The following BSDC1 variants were observed in gnomAD, a reference collection of about 807,000 sequenced individuals.
BSDC1 encodes BSD domain containing 1, also known as BSD domain-containing protein 1.
Under a neutral mutation model 56.0 loss-of-function variants are expected in BSDC1, and 29 were observed. The observed-to-expected ratio is 0.52, with a 90% CI of 0.39 to 0.71. The LOEUF (loss-of-function observed/expected upper bound fraction) is 0.71. Ranked by LOEUF, BSDC1 falls within the 30% of genes least tolerant of loss-of-function variation. The probability of loss-of-function intolerance (pLI) is 0.00; values close to 1 mark genes in which losing one functional copy is unlikely to be tolerated. For synonymous variants in BSDC1, 210 were observed against 215.3 expected (o/e 0.98, Z 0.21); for missense variants, 477 against 548.5 (o/e 0.87, Z 1.30).
chr1:32,380,453 C>A (rs1463958345), intron 5 of BSDC1, among the ~76,000 whole-genome samples: 3 of 152,122 alleles, frequency 2.0e-5, no homozygotes, highest in African/African-American at 7.2e-5. Context: ...TGAGACCAGC[C>A]TGACCAACAT....
chr1:32,367,608 C>T (rs1641899128), intron 10 of BSDC1: 1 of 985,356 alleles, frequency 1.0e-6, no homozygotes, highest in African/African-American at 1.7e-5. Flanking sequence ...GTCTGGGTTG[C>T]AGCCTCAGTC....
At chr1:32,367,757 G>A (rs1261787238) in intron 10 of BSDC1, 1 of 932,368 alleles carries the variant, frequency 1.1e-6, no homozygotes, top group Non-Finnish European at 1.3e-6. Flanking sequence ...GTTTTGTGGG[G>A]TTTATCACTA....
rs779835045 is a variant in BSDC1, at chr1:32,378,039, G to A, written c.607C>T (p.Arg203Trp). Residue 203 changes from arginine to tryptophan, a missense_variant, in exon 8 of 11, where the codon CGG becomes TGG. Transcript: ENST00000455895. The surrounding 1 kb of genome is among the most constrained non-coding windows in gnomAD (Gnocchi z 5.2). ...KVHQLEQEQA[R>W]RDALKQRAEQ... ...GCCCGCTGCTTCAGGGCGTCCCTCC[G>A]GGCCTGCTCCTGAATGTGGGGGAGC... The A allele has an allele frequency of 9.3e-6, 15 of 1,610,804 alleles. No individual in the cohort carries two copies. In the Admixed American group the frequency reaches 1.0e-4, roughly 11 times the overall value.
intron 2 of BSDC1, among the ~76,000 whole-genome samples, chr1:32,389,855 C>T (rs924947664): frequency 1.3e-5 from 2 of 151,768 alleles, no homozygotes; most frequent in Non-Finnish European, 2.9e-5. Context: ...CGCCTATAGT[C>T]CCAGCTACCC....
chr1:32,385,142 TA>T (rs1557652711), intron 3 of BSDC1, among the ~76,000 whole-genome samples: 1 of 152,192 alleles, frequency 6.6e-6, no homozygotes, highest in Non-Finnish European at 1.5e-5. Context: ...AATTGTAATA[TA>T]AAAAACAGTA....
rs536514234 is a variant in BSDC1, at chr1:32,387,427, C to T, written c.73-532G>A. Among the ~76,000 whole-genome samples, 268 of 152,140 alleles carry T rather than the reference C, an allele frequency of 1.8e-3. 3 individuals carry two copies. The highest frequency in any genetic ancestry group is 5.7e-3 in the African/African-American group (236 of 41,504). ...CACGATCTCGGCTCACCGCAACCTC[C>T]GCCTCCCGGGTTCAAGCGATTTTCG... On this transcript the variant is annotated intron_variant, in intron 2 of 10. Transcript: ENST00000455895.
intron 9 of BSDC1, among the ~76,000 whole-genome samples, chr1:32,371,736 T>C (rs1227994676): frequency 6.6e-6 from 1 of 152,046 alleles, no homozygotes; most frequent in Non-Finnish European, 1.5e-5. Context: ...CGCTGAGACC[T>C]ACCCCTCAGC....
chr1:32,386,735 G>C (rs1194820597), intron 3 of BSDC1, 44 bp downstream of exon 3: 3 of 1,486,246 alleles, frequency 2.0e-6, no homozygotes, highest in Admixed American at 3.4e-5. Flanking sequence ...GGACAGGACA[G>C]GTTGCGAGGG....
intron 2 of BSDC1, among the ~76,000 whole-genome samples, chr1:32,387,336 T>G (rs1642707291): frequency 1.3e-5 from 2 of 151,922 alleles, no homozygotes; most frequent in Non-Finnish European, 2.9e-5. Flanking sequence ...AAAAAAGGTA[T>G]GTGATTTTTT....
intron 9 of BSDC1, among the ~76,000 whole-genome samples, chr1:32,372,031 A>C (rs1448220419): frequency 1.3e-5 from 2 of 152,366 alleles, no homozygotes; most frequent in Middle Eastern, 3.4e-3. Context: ...CATTATAAGC[A>C]GGTACCTGTG....
In BSDC1 at chr1:32,371,970, C is replaced by A. The variant is rs900224135; in HGVS notation, c.1157-3420G>T. Among the ~76,000 whole-genome samples, 8 of 152,156 alleles carry A rather than the reference C, an allele frequency of 5.3e-5. No individual in the cohort carries two copies. The East Asian group carries it at 1.2e-3, about 22-fold the overall frequency. On this transcript the variant is annotated intron_variant, in intron 9 of 10. Coordinates refer to ENST00000455895, the MANE Select transcript of BSDC1 (RefSeq NM_018045.8). ...AAATACAGACTCCTACCCTGCCCAC[C>A]CCCAGTCCCAACTAAGACTCAGCAG... is the stretch of plus-strand genomic sequence containing the variant.
intron 8 of BSDC1, among the ~76,000 whole-genome samples, chr1:32,377,270 C>T (rs1642325943): frequency 6.6e-6 from 1 of 152,222 alleles, no homozygotes; most frequent in Non-Finnish European, 1.5e-5. Flanking sequence ...TCCAGCAATG[C>T]AGTCCAAGGG....
At position 32,368,484 on chromosome 1, in the gene BSDC1, ACCT is replaced by A; in HGVS notation, c.1220_1222del (p.Glu407del). 3.1e-6 allele frequency: 5 copies of A among 1,613,846 alleles called. No individual in the cohort carries two copies. The highest frequency in any genetic ancestry group is 4.2e-6 in the Non-Finnish European group (5 of 1,179,960). Reference sequence around the variant, plus strand: ...ATCCACTTTGGAAAGTGCCATCTGCACCTCCTCTTCAGTCATGTCCAAGTCAAA... The same window carrying A: ...ATCCACTTTGGAAAGTGCCATCTGCACCTCTTCAGTCATGTCCAAGTCAAA... On this transcript the variant is annotated inframe_deletion, in exon 10 of 11. Coordinates refer to ENST00000455895, the MANE Select transcript of BSDC1 (RefSeq NM_018045.8).
intron 8 of BSDC1, 45 bp downstream of exon 8, chr1:32,377,925 C>A (rs778231390): frequency 5.1e-6 from 8 of 1,569,252 alleles, no homozygotes; most frequent in Non-Finnish European, 6.9e-6. Flanking sequence ...CCAGAGCGTC[C>A]CGCACAGATG....
At chr1:32,379,608 G>T (rs1366361811) in intron 5 of BSDC1, among the ~76,000 whole-genome samples, 2 of 152,000 alleles carry the variant, frequency 1.3e-5, no homozygotes, top group Non-Finnish European at 2.9e-5. Context: ...TTTTATTTTT[G>T]AGAGATAGAG....
chr1:32,377,831 A>G (rs983947649), intron 8 of BSDC1, 139 bp downstream of exon 8: 10 of 680,872 alleles, frequency 1.5e-5, no homozygotes, highest in Non-Finnish European at 1.9e-5. Flanking sequence ...AGCTCCGCCT[A>G]TCCTCACACA....
chr1:32,386,180 G>A (rs966900438), intron 3 of BSDC1, among the ~76,000 whole-genome samples: 5 of 152,088 alleles, frequency 3.3e-5, no homozygotes, highest in Admixed American at 3.3e-4. Flanking sequence ...CTAGCCAGGC[G>A]TGGTGGCGGG....
rs1457246716 is a variant in BSDC1 at position 32,386,653 on chromosome 1, A to C, written c.189+126T>G. On this transcript the variant is annotated intron_variant, in intron 3 of 10. Transcript: ENST00000455895. Reference sequence around the variant, plus strand: ...CCAGACACAATTCTTTCAAAATGGGAGGAAAAGTAATCCACATATTTTTCC... The same window carrying C: ...CCAGACACAATTCTTTCAAAATGGGCGGAAAAGTAATCCACATATTTTTCC... 5 of 567,204 alleles carry C rather than the reference A, an allele frequency of 8.8e-6. No homozygotes were observed. The Admixed American group carries it at 1.9e-4, about 21-fold the overall frequency. 35.1% of individuals were successfully genotyped at this position (567,204 alleles called of 1,614,324 possible). A position where few individuals can be genotyped will look rare whatever the true frequency, so the allele number is the denominator to read the frequency against.
rs1642283434 is a variant in BSDC1 at position 32,376,394 on chromosome 1, G to A, written c.1024C>T (p.His342Tyr). 2 of 1,613,720 alleles carry A rather than the reference G, an allele frequency of 1.2e-6. No individual in the cohort carries two copies. The highest frequency in any genetic ancestry group is 1.1e-5 in the South Asian group (1 of 91,044). The change falls in exon 9 of 11, where the codon CAC (histidine) becomes TAC (tyrosine). Residue 342 changes from histidine (H) to tyrosine (Y), a missense_variant. By Grantham distance (83) the His-to-Tyr change is moderately conservative (BLOSUM62 2). Coordinates refer to ENST00000455895, the MANE Select transcript of BSDC1 (RefSeq NM_018045.8). ...GGCCTGGGCTCTGGGCCGCCGGTGT[G>A]GCCAGCAGGCGTTAGGGGCTTGGAG... ...IHSKPLTPAG[H>Y]TGGPEPRPPA...
Sources: allele counts gnomAD v4.1 joint callset (sites outside exome capture counted in the v4.1 genomes callset), GRCh38; gene constraint gnomAD v4.1.1; non-coding constraint Gnocchi (gnomAD v3.1); transcripts MANE v1.5; gene names NCBI Gene and HGNC (gene_info 2026-07-23, HGNC 2026-07-21).